The following SEL1L variants were observed in gnomAD, a reference collection of about 807,000 sequenced individuals.
SEL1L encodes the protein SEL1L adaptor subunit of SYVN1 ubiquitin ligase, also known as protein sel-1 homolog 1.
A neutral mutation model predicts 109.8 loss-of-function variants in SEL1L; 52 were observed. The observed-to-expected ratio is 0.47, with a 90% CI of 0.38 to 0.60. The LOEUF (loss-of-function observed/expected upper bound fraction) is 0.60, where lower values mean the gene tolerates loss of function less well. Among genes scored for constraint, SEL1L ranks in the 20% least tolerant of loss-of-function variants. The probability of loss-of-function intolerance (pLI) is 0.00; values close to 1 mark genes in which losing one functional copy is unlikely to be tolerated. For synonymous variants in SEL1L, 373 were observed against 339.6 expected (o/e 1.10, Z -1.08); for missense variants, 749 against 962.2 (o/e 0.78, Z 2.93).
intron 20 of SEL1L, 121 bp from the exon 21 acceptor site, chr14:81,477,302 A>ACTGTGTGTGTGT: frequency 1.2e-5 from 5 of 403,976 alleles, no homozygotes; most frequent in Non-Finnish European, 2.2e-5. Flanking sequence ...AACGTTTTGC[A>ACTGTGTGTGTGT]ATGTGTGTGT....
chr14:81,523,648 G>A (rs181409444), intron 3 of SEL1L, among the ~76,000 whole-genome samples: 325 of 152,150 alleles, frequency 2.1e-3, no homozygotes, highest in Non-Finnish European at 3.9e-3. Flanking sequence ...CAGACAACCC[G>A]GGGCTTATGA....
intron 6 of SEL1L, among the ~76,000 whole-genome samples, chr14:81,501,721 T>C (rs1884016402): frequency 6.6e-6 from 1 of 152,156 alleles, no homozygotes; most frequent in Non-Finnish European, 1.5e-5. Flanking sequence ...GATGGCCCCC[T>C]AAATCCAGGT....
intron 3 of SEL1L, among the ~76,000 whole-genome samples, chr14:81,518,703 A>ATATAAG (rs144820243): frequency 0.073 from 11,019 of 151,046 alleles, 1,292 homozygotes; most frequent in African/African-American, 0.25. Context: ...AGAAAGGTTA[A>ATATAAG]AACTTAGGGA....
intron 3 of SEL1L, among the ~76,000 whole-genome samples, chr14:81,524,754 A>G (rs1445131599): frequency 6.6e-6 from 1 of 152,094 alleles, no homozygotes; most frequent in African/African-American, 2.4e-5. Flanking sequence ...CGCGCCTGGT[A>G]TCCCAGCTAC....
At position 81,526,948 on chromosome 14, in the gene SEL1L, T is replaced by A; in HGVS notation, c.125A>T (p.Asp42Val). 6.2e-7 allele frequency: 1 copy of A among 1,610,432 alleles called. No homozygotes were observed. Among genetic ancestry groups the A allele is most frequent in the South Asian group, 1.1e-5 (1 of 90,728 alleles). The change falls in exon 3 of 21, where the codon GAT becomes GTT. Residue 42 changes from aspartate (D) to valine (V), a missense_variant. Coordinates refer to ENST00000336735, the MANE Select transcript of SEL1L (RefSeq NM_005065.6). ...AGTAGTATGGTCCTTTACTGACTCA[T>A]CTGATGTCAAAGTAGTCTGAGAATA... ...SLDSKTTLTS[D>V]ESVKDHTTAG... is the part of the protein sequence containing the mutation.
At chr14:81,530,222 C>T (rs1429726112) in intron 1 of SEL1L, among the ~76,000 whole-genome samples, 1 of 152,174 alleles carries the variant, frequency 6.6e-6, no homozygotes, top group Non-Finnish European at 1.5e-5. Flanking sequence ...ACCAGATATC[C>T]TGTTCTCTGC....
At chr14:81,479,782 A>T in intron 19 of SEL1L, 42 bp from the exon 20 acceptor site, 1 of 1,527,906 alleles carries the variant, frequency 6.5e-7, no homozygotes, top group African/African-American at 1.4e-5. Flanking sequence ...TCTTGTCAAA[A>T]TAAGTAAAAA....
At chr14:81,510,476 C>T (rs536515823) in intron 3 of SEL1L, among the ~76,000 whole-genome samples, 35 of 78,416 alleles carry the variant, frequency 4.5e-4, no homozygotes, top group African/African-American at 2.7e-3. Context: ...ATGCTGATCT[C>T]TCTCTCTCTC....
intron 3 of SEL1L, among the ~76,000 whole-genome samples, chr14:81,520,741 A>C (rs767592932): frequency 5.3e-5 from 8 of 152,260 alleles, no homozygotes; most frequent in Non-Finnish European, 1.0e-4. Context: ...GAAATGCTTC[A>C]GCAGGATGAA....
chr14:81,488,858 T>C (rs983477895), intron 14 of SEL1L: 68 of 239,414 alleles, frequency 2.8e-4, no homozygotes, highest in African/African-American at 1.5e-3. Flanking sequence ...AGGTGGTAGC[T>C]AGAAGGGGTA....
intron 19 of SEL1L, among the ~76,000 whole-genome samples, chr14:81,482,580 G>T (rs1449532074): frequency 1.3e-5 from 2 of 152,152 alleles, no homozygotes; most frequent in East Asian, 3.8e-4. Context: ...CTGGATGACT[G>T]GTTTGACAAT....
At chr14:81,503,274 G>C (rs1218056292) in intron 5 of SEL1L, among the ~76,000 whole-genome samples, 3 of 152,204 alleles carry the variant, frequency 2.0e-5, no homozygotes, top group African/African-American at 7.2e-5. Context: ...ACCACGCCTA[G>C]CCACCCCCTC....
intron 1 of SEL1L, among the ~76,000 whole-genome samples, chr14:81,532,569 G>C (rs1885370496): frequency 6.6e-6 from 1 of 152,138 alleles, no homozygotes; most frequent in African/African-American, 2.4e-5. Flanking sequence ...CATAGGGTTG[G>C]TGCTTTTGAA....
intron 3 of SEL1L, among the ~76,000 whole-genome samples, chr14:81,517,331 T>C (rs1884739673): frequency 6.6e-6 from 1 of 152,164 alleles, no homozygotes; most frequent in African/African-American, 2.4e-5. Flanking sequence ...CTCTTCTAGA[T>C]GGGAAGAGAA....
At chr14:81,514,063 C>T (rs1322271702) in intron 3 of SEL1L, among the ~76,000 whole-genome samples, 2 of 152,248 alleles carry the variant, frequency 1.3e-5, no homozygotes, top group African/African-American at 2.4e-5. Context: ...GTCTCTGGTG[C>T]TTTTCTAGTT....
At chr14:81,515,016 T>C (rs1040666612) in intron 3 of SEL1L, among the ~76,000 whole-genome samples, 2 of 152,168 alleles carry the variant, frequency 1.3e-5, no homozygotes, top group Non-Finnish European at 2.9e-5. Context: ...AAGCTTACAA[T>C]TTACATCCCA....
At chr14:81,527,199 T>A (rs1234963624) in intron 2 of SEL1L, among the ~76,000 whole-genome samples, 1 of 152,128 alleles carries the variant, frequency 6.6e-6, no homozygotes, top group Non-Finnish European at 1.5e-5. Flanking sequence ...CTTCCTTAAT[T>A]CCCAAAGTCT....
intron 10 of SEL1L, among the ~76,000 whole-genome samples, chr14:81,497,237 A>G (rs1171063506): frequency 1.3e-5 from 2 of 152,180 alleles, no homozygotes; most frequent in Non-Finnish European, 2.9e-5. Context: ...CTTAAAACCA[A>G]CTGTTCTTAA....
intron 3 of SEL1L, among the ~76,000 whole-genome samples, chr14:81,512,790 A>C (rs1225352845): frequency 6.6e-6 from 1 of 152,246 alleles, no homozygotes; most frequent in East Asian, 1.9e-4. Flanking sequence ...GAATACCACA[A>C]TGTAATCATT....
Sources: allele counts gnomAD v4.1 joint callset (sites outside exome capture counted in the v4.1 genomes callset), GRCh38; gene constraint gnomAD v4.1.1; transcripts MANE v1.5; gene names NCBI Gene and HGNC (gene_info 2026-07-23, HGNC 2026-07-21).